SDK2: variants seen among roughly 807,000 people sequenced by gnomAD.
The protein encoded by SDK2 is protein sidekick-2.
In SDK2, 105 loss-of-function variants were observed where a neutral mutation model predicts 253.9. The observed-to-expected ratio is 0.41, with a 90% CI of 0.35 to 0.49. The LOEUF is 0.49. Among genes scored for constraint, SDK2 ranks in the 20% least tolerant of loss-of-function variants. The pLI is 0.06. For missense variants in SDK2, 2,608 were observed against 3,003.0 expected, an observed-to-expected ratio of 0.87 and a Z score of 3.07; for synonymous variants, 1,249 against 1,234.9, an observed-to-expected ratio of 1.01 and a Z score of -0.24.
rs185198305 is a variant in SDK2 at position 73,343,412 on chromosome 17, G to C, written c.6166-4472C>G. Among the ~76,000 whole-genome samples the C allele has an allele frequency of 1.1e-4, 17 of 151,652 alleles. No homozygotes were observed. The East Asian group carries it at 2.3e-3, about 21-fold the overall frequency. ...CTGAACATCTGTTTCTTTTCGGAGT[G>C]GGGGTAGGGCGAGAAGAGAAGAAAG... On this transcript the variant is annotated intron_variant, in intron 44 of 44. Coordinates refer to ENST00000392650, the MANE Select transcript of SDK2 (RefSeq NM_001144952.2).
intron 1 of SDK2, among the ~76,000 whole-genome samples, chr17:73,613,382 G>A (rs1168154197): frequency 2.0e-5 from 2 of 98,992 alleles, no homozygotes; most frequent in African/African-American, 7.9e-5. Context: ...AGGTCCCCCT[G>A]GCCCCAGGCC....
chr17:73,348,563 T>G (rs1186415104), intron 44 of SDK2, 36 bp downstream of exon 44: 1 of 1,605,804 alleles, frequency 6.2e-7, no homozygotes, highest in Non-Finnish European at 8.5e-7. Context: ...CGCTGCTCCC[T>G]GCCCCCTGCA....
At chr17:73,501,571 G>T (rs2063891514) in intron 2 of SDK2, among the ~76,000 whole-genome samples, 1 of 152,180 alleles carries the variant, frequency 6.6e-6, no homozygotes, top group Non-Finnish European at 1.5e-5. Context: ...GGAATTCAAG[G>T]CTGGTTTCGA....
intron 2 of SDK2, among the ~76,000 whole-genome samples, chr17:73,506,418 C>T (rs1054955748): frequency 8.5e-5 from 13 of 152,168 alleles, no homozygotes; most frequent in African/African-American, 2.7e-4. Context: ...TGTGGCCACA[C>T]TACACCAGCC....
chr17:73,471,104 C>T (rs1355678885), intron 3 of SDK2, among the ~76,000 whole-genome samples: 3 of 152,146 alleles, frequency 2.0e-5, no homozygotes, highest in Non-Finnish European at 2.9e-5. Context: ...GGGAGAAGGC[C>T]GTTACCCACA....
chr17:73,588,387 CAAA>C (rs1215654213), intron 1 of SDK2, among the ~76,000 whole-genome samples: 9 of 59,026 alleles, frequency 1.5e-4, no homozygotes, highest in African/African-American at 6.2e-4. Flanking sequence ...AACTCCATCT[CAAA>C]AAAAAAAAAA....
rs2063458382 is a variant in SDK2 at position 73,447,145 on chromosome 17, A to G, written c.613+470T>C. ...AGGGCCTGTCTTCCCATCAGCAGGG[A>G]CCACCTGGCTCCCAATATAGACAGC... On this transcript the variant is annotated intron_variant, in intron 5 of 44. Coordinates refer to ENST00000392650, the MANE Select transcript of SDK2 (RefSeq NM_001144952.2). This position sits in a 1 kb window ranked among gnomAD's most constrained non-coding sequence, Gnocchi z 4.0. 3.9e-5 allele frequency among the ~76,000 whole-genome samples: 6 copies of G among 152,062 alleles called. No homozygotes were observed. The highest frequency in any genetic ancestry group is 3.9e-4 in the Admixed American group (6 of 15,264).
intron 1 of SDK2, among the ~76,000 whole-genome samples, chr17:73,640,275 T>C (rs2046382532): frequency 9.0e-6 from 1 of 110,786 alleles, no homozygotes; most frequent in South Asian, 3.5e-4. Context: ...TGTGGGGGGG[T>C]CGAGGGTGGG....
At chr17:73,414,411 GA>G (rs2063163233) in intron 18 of SDK2, among the ~76,000 whole-genome samples, 1 of 152,120 alleles carries the variant, frequency 6.6e-6, no homozygotes, top group Non-Finnish European at 1.5e-5. Flanking sequence ...GTCTCGCTGG[GA>G]AGGACCGTAG....
At chr17:73,341,848 A>G (rs1441311640) in intron 44 of SDK2, among the ~76,000 whole-genome samples, 1 of 152,214 alleles carries the variant, frequency 6.6e-6, no homozygotes, top group African/African-American at 2.4e-5. Context: ...GCTGACATGC[A>G]TAACTGTATT....
intron 2 of SDK2, among the ~76,000 whole-genome samples, chr17:73,485,028 C>A (rs1236983526): frequency 1.3e-5 from 2 of 152,202 alleles, no homozygotes; most frequent in Non-Finnish European, 2.9e-5. Context: ...CTCAGCTGAA[C>A]CAATTACCTC....
intron 1 of SDK2, among the ~76,000 whole-genome samples, chr17:73,533,257 C>G (rs1297748984): frequency 1.3e-5 from 2 of 152,218 alleles, no homozygotes; most frequent in African/African-American, 2.4e-5. Context: ...GTCCCGCAGC[C>G]AAGGACACAG....
chr17:73,546,333 C>T (rs1207270222), intron 1 of SDK2, among the ~76,000 whole-genome samples: 3 of 152,238 alleles, frequency 2.0e-5, no homozygotes, highest in Non-Finnish European at 2.9e-5. Context: ...GCCTGGCGGC[C>T]AGTGGTGGTT....
chr17:73,422,919 G>A (rs986683582), intron 14 of SDK2, among the ~76,000 whole-genome samples: 1 of 152,108 alleles, frequency 6.6e-6, no homozygotes, highest in Middle Eastern at 3.2e-3. Flanking sequence ...TACTTCGGAG[G>A]CTGAGACAGG....
In SDK2 at chr17:73,390,481, G is replaced by C. The variant is rs1168790383; in HGVS notation, c.3998C>G (p.Ala1333Gly). ...GTTGAGCCGGTGTGTGATCTGGTAA[G>C]CTGTGGGAAGGAAGCACATGGCTAT... Reference protein sequence around the residue: ...PPAAPNGIILAYQITHRLNTT... With the variant: ...PPAAPNGIILGYQITHRLNTT... The change falls in exon 29 of 45, where the codon GCT becomes GGT. Residue 1333 changes from alanine to glycine, a missense_variant and splice_region_variant. Ala to Gly is a moderately conservative substitution (Grantham distance 60). This residue lies in a region of SDK2 where 1,505 missense variants were observed against 1,859.1 expected (regional missense o/e 0.81). Coordinates refer to ENST00000392650, the MANE Select transcript of SDK2 (RefSeq NM_001144952.2). 6.2e-7 allele frequency: 1 copy of C among 1,608,582 alleles called. No individual in the cohort carries two copies. Among genetic ancestry groups the C allele is most frequent in the Non-Finnish European group, 8.5e-7 (1 of 1,176,502 alleles).
chr17:73,461,665 G>A (rs2063563404), intron 3 of SDK2, among the ~76,000 whole-genome samples: 1 of 152,108 alleles, frequency 6.6e-6, no homozygotes, highest in Admixed American at 6.5e-5. Context: ...TTGTATGGGT[G>A]AATAGGTGGA....
intron 1 of SDK2, among the ~76,000 whole-genome samples, chr17:73,576,572 G>A (rs970536130): frequency 3.3e-5 from 5 of 152,232 alleles, no homozygotes; most frequent in Non-Finnish European, 5.9e-5. Flanking sequence ...AGGCACAGCT[G>A]GCTAGAACAA....
chr17:73,441,731 G>A (rs766830700), intron 5 of SDK2, among the ~76,000 whole-genome samples: 2 of 152,212 alleles, frequency 1.3e-5, no homozygotes, highest in African/African-American at 4.8e-5. Context: ...CTCAATTTCT[G>A]TTGTGAGCCA....
intron 1 of SDK2, among the ~76,000 whole-genome samples, chr17:73,516,127 A>G (rs1233222622): frequency 2.6e-5 from 4 of 152,212 alleles, no homozygotes; most frequent in Admixed American, 6.5e-5. Context: ...CAGCCCCCTC[A>G]ATGCCATTCT....
Sources: gnomAD v4.1 joint callset for allele counts (sites outside exome capture counted in the v4.1 genomes callset) on GRCh38, gnomAD v4.1.1 for gene constraint, gnomAD v4.1.1 regional missense constraint, Gnocchi (gnomAD v3.1) non-coding constraint, MANE v1.5 for transcripts, NCBI Gene and HGNC (gene_info 2026-07-23, HGNC 2026-07-21) for gene names.